The following SLC7A9 variants were observed in gnomAD, a reference collection of about 807,000 sequenced individuals.
SLC7A9 encodes B(0,+)-type amino acid transporter 1.
In SLC7A9, 38 loss-of-function variants were observed where a neutral mutation model predicts 54.1. That is an observed-to-expected ratio of 0.70 (90% CI 0.54 to 0.92). The LOEUF is 0.92. SLC7A9 is among the 40% of genes least tolerant of loss of function. The pLI is 0.00. For missense variants in SLC7A9, 537 were observed against 636.1 expected, an observed-to-expected ratio of 0.84 and a Z score of 1.68; for synonymous variants, 264 against 258.9, an observed-to-expected ratio of 1.02 and a Z score of -0.19.
chr19:32,860,794 C>T, intron 6 of SLC7A9, 144 bp from the exon 7 acceptor site: 3 of 1,137,382 alleles, frequency 2.6e-6, no homozygotes, highest in Admixed American at 4.1e-5. Flanking sequence ...AATTTTTTTC[C>T]AGGTGAATGG....
intron 11 of SLC7A9, among the ~76,000 whole-genome samples, chr19:32,837,188 T>C (rs1234573224): frequency 3.3e-5 from 5 of 152,048 alleles, no homozygotes; most frequent in African/African-American, 1.2e-4. Flanking sequence ...TTCTTTTAAA[T>C]TCACCATAGG....
At chr19:32,859,259 A>G (rs1968722480) in intron 8 of SLC7A9, among the ~76,000 whole-genome samples, 1 of 152,012 alleles carries the variant, frequency 6.6e-6, no homozygotes, top group South Asian at 2.1e-4. Flanking sequence ...CACCACACCC[A>G]GCTGCGTAAT....
At position 32,862,438 on chromosome 19, in the gene SLC7A9, G is replaced by A. The variant is rs1326087709; in HGVS notation, c.604+23C>T. Reference sequence around the variant, plus strand: ...AGGGCGTTTGGTGTGTGCCCGTGCAGGGCCCACCCTCCCGTGGGTCACCTT... The same window carrying A: ...AGGGCGTTTGGTGTGTGCCCGTGCAAGGCCCACCCTCCCGTGGGTCACCTT... On this transcript the variant is annotated intron_variant, in intron 5 of 12. Transcript: ENST00000023064. 4 of 1,612,258 alleles carry A rather than the reference G, an allele frequency of 2.5e-6. No homozygotes were observed. In the Admixed American group the frequency reaches 5.0e-5, roughly 20 times the overall value.
In SLC7A9 at chr19:32,834,946, A is replaced by C. The variant is rs559480289; in HGVS notation, c.1225-1623T>G. Among the ~76,000 whole-genome samples, 26 of 152,124 alleles carry C rather than the reference A, an allele frequency of 1.7e-4. No individual in the cohort carries two copies. In the East Asian group the frequency reaches 4.9e-3, roughly 28 times the overall value. ...GCTGGGATTACAGGCGTGTGCCAAC[A>C]TGCCCAGCTAATTTTTTATTTTTAG... is the stretch of plus-strand genomic sequence containing the variant. On this transcript the variant is annotated intron_variant, in intron 11 of 12. Transcript: ENST00000023064.
intron 9 of SLC7A9, among the ~76,000 whole-genome samples, chr19:32,857,673 C>T (rs557933242): frequency 6.6e-6 from 1 of 152,128 alleles, no homozygotes; most frequent in African/African-American, 2.4e-5. Context: ...AGCCAAGACA[C>T]GTGTTCGAGG....
intron 11 of SLC7A9, among the ~76,000 whole-genome samples, chr19:32,836,242 T>C (rs1472651719): frequency 6.6e-6 from 1 of 152,022 alleles, no homozygotes; most frequent in East Asian, 1.9e-4. Context: ...AGAGATGGGG[T>C]TTCACCATGT....
At chr19:32,866,577 G>A (rs1457556601) in intron 2 of SLC7A9, among the ~76,000 whole-genome samples, 2 of 152,230 alleles carry the variant, frequency 1.3e-5, no homozygotes, top group East Asian at 1.9e-4. Flanking sequence ...GGCGTGTGCC[G>A]CCACACCTGT....
At chr19:32,840,632 A>C (rs1267314127) in intron 11 of SLC7A9, among the ~76,000 whole-genome samples, 3 of 151,988 alleles carry the variant, frequency 2.0e-5, no homozygotes, top group Non-Finnish European at 4.4e-5. Context: ...ATTCTTGCCA[A>C]GTTCCATGTC....
intron 9 of SLC7A9, among the ~76,000 whole-genome samples, chr19:32,858,169 C>G (rs1050319883): frequency 2.0e-5 from 3 of 152,192 alleles, no homozygotes; most frequent in African/African-American, 2.4e-5. Context: ...AGCTTCCCCC[C>G]CATGTTGGGA....
At chr19:32,846,936 A>G (rs1316187914) in intron 9 of SLC7A9, among the ~76,000 whole-genome samples, 1 of 152,234 alleles carries the variant, frequency 6.6e-6, no homozygotes, top group East Asian at 1.9e-4. Context: ...GGTCTGGAGT[A>G]GACCTCTAGA....
Position 32,862,150 on chromosome 19 carries a change from C to T in SLC7A9, c.672G>A (p.Ala224=), listed in dbSNP as rs369730095. Residue 224 remains alanine (A), a synonymous_variant, in exon 6 of 13, where the codon GCG becomes GCA. Transcript: ENST00000023064. ...CATAGGCCCAGAGTCCATTGTAAAA[C>T]GCCAGGCTGATGGCTCCCACAGACA... The part of the protein sequence containing the change: ...AQLSVGAISL[A]FYNGLWAYDG... The T allele has an allele frequency of 2.5e-5, 41 of 1,613,528 alleles. No individual in the cohort carries two copies. The highest frequency in any genetic ancestry group is 1.9e-4 in the African/African-American group (14 of 74,896).
At position 32,830,745 on chromosome 19, in the gene SLC7A9, A is replaced by C. The variant is rs1341615727; in HGVS notation, c.1400-61T>G. The C allele has an allele frequency of 1.3e-5, 17 of 1,347,722 alleles. 1 individual carries two copies. In the South Asian group the frequency reaches 1.5e-4, roughly 12 times the overall value. 83.5% of individuals were successfully genotyped at this position (1,347,722 alleles called of 1,614,324 possible). A position where few individuals can be genotyped will look rare whatever the true frequency, so the allele number is the denominator to read the frequency against. On this transcript the variant is annotated intron_variant, in intron 12 of 12. Coordinates refer to ENST00000023064, the MANE Select transcript of SLC7A9 (RefSeq NM_014270.5). ...GACTGAAATTCGAAAGTTTCACTGG[A>C]GTTGTTGTGGGTGAGGGTGACATTG...
In SLC7A9 at chr19:32,833,242, C is replaced by A. The variant is rs988712826; in HGVS notation, c.1306G>T (p.Glu436Ter). The A allele has an allele frequency of 6.2e-7, 1 of 1,614,152 alleles. No individual in the cohort carries two copies. The highest frequency in any genetic ancestry group is 8.5e-7 in the Non-Finnish European group (1 of 1,179,998). ...LAPIISKPTW[E>*]YLYCVLFILS... ...ATAAACAGCACACAGTAGAGGTACT[C>A]CCAGGTGGGCTTGCTGATGATTGGA... Residue 436 changes from glutamate to a stop codon, truncating the protein, a stop_gained, in exon 12 of 13, where the codon GAG becomes TAG. Transcript: ENST00000023064. LOFTEE classifies it high-confidence loss of function.
At chr19:32,845,028 G>T (rs1409857287) in intron 9 of SLC7A9, among the ~76,000 whole-genome samples, 2 of 151,840 alleles carry the variant, frequency 1.3e-5, no homozygotes, top group Admixed American at 6.6e-5. Context: ...GCTGGGCATG[G>T]TGGTGGGCGC....
At chr19:32,839,418 T>TG (rs1027849709) in intron 11 of SLC7A9, among the ~76,000 whole-genome samples, 2 of 152,092 alleles carry the variant, frequency 1.3e-5, no homozygotes, top group Non-Finnish European at 2.9e-5. Context: ...CCAGGCGTGG[T>TG]GGCACGCGCC....
intron 9 of SLC7A9, among the ~76,000 whole-genome samples, chr19:32,854,499 T>C (rs1413635591): frequency 2.0e-5 from 3 of 152,132 alleles, no homozygotes; most frequent in Non-Finnish European, 4.4e-5. Context: ...AGACAAGAAA[T>C]CTACTCAAAA....
chr19:32,839,276 G>A (rs772199535), intron 11 of SLC7A9, among the ~76,000 whole-genome samples: 1 of 151,938 alleles, frequency 6.6e-6, no homozygotes, highest in African/African-American at 2.4e-5. Flanking sequence ...TGTAATTGGC[G>A]GGGCACGGTG....
Position 32,864,290 on chromosome 19 carries a change from C to T in SLC7A9, c.284G>A (p.Gly95Glu), listed in dbSNP as rs1422507469. The change falls in exon 4 of 13, where the codon GGA becomes GAA. Residue 95 changes from glycine (G) to glutamate (E), a missense_variant. By Grantham distance (98) the Gly-to-Glu change is moderately conservative. Transcript: ENST00000023064. ...ELGTMITKSG[G>E]EYPYLMEAYG... The stretch of plus-strand genomic sequence containing the variant: ...GGCCTCCATCAGGTAGGGATACTCT[C>T]CCCCTGACTTGGTGATCATTGTGCC... The T allele has an allele frequency of 2.5e-6, 4 of 1,614,092 alleles. No individual in the cohort carries two copies. The highest frequency in any genetic ancestry group is 3.4e-6 in the Non-Finnish European group (4 of 1,179,990).
In SLC7A9 at chr19:32,863,329, G is replaced by A. The variant is rs532632900; in HGVS notation, c.479-743C>T. On this transcript the variant is annotated intron_variant, in intron 4 of 12. Coordinates refer to ENST00000023064, the MANE Select transcript of SLC7A9 (RefSeq NM_014270.5). The stretch of plus-strand genomic sequence containing the variant: ...TTTAGTAGAAACAGGGTTTTGCCAC[G>A]TTGGCCAGGCTGGTCTCGAACTCGT... Among the ~76,000 whole-genome samples the A allele has an allele frequency of 3.5e-5, 5 of 143,896 alleles. No homozygotes were observed. The South Asian group carries it at 6.5e-4, about 19-fold the overall frequency. The allele number at this position is 143,896 out of a possible 152,430, so 94.4% of individuals were successfully genotyped here.
Sources: allele counts gnomAD v4.1 joint callset (sites outside exome capture counted in the v4.1 genomes callset), GRCh38; gene constraint gnomAD v4.1.1; transcripts MANE v1.5; gene names NCBI Gene and HGNC (gene_info 2026-07-23, HGNC 2026-07-21).